The following LRRC37A2 variants were observed in gnomAD, a reference collection of about 807,000 sequenced individuals.
The protein encoded by LRRC37A2 is leucine-rich repeat-containing protein 37A2.
In LRRC37A2, 9 loss-of-function variants were observed where a neutral mutation model predicts 68.8. The observed-to-expected ratio is 0.13, with a 90% CI of 0.08 to 0.23. The LOEUF is 0.23. Among genes scored for constraint, LRRC37A2 ranks in the 10% least tolerant of loss-of-function variants. LRRC37A2 has a pLI of 1.00. For missense variants in LRRC37A2, 168 were observed against 950.4 expected (o/e 0.18, Z 10.82); for synonymous variants, 63 against 367.6 (o/e 0.17, Z 9.48).
chr17:46,967,280 CA>C, the LRRC37A2 span, among the ~76,000 whole-genome samples: 1 of 152,244 alleles, frequency 6.6e-6, no homozygotes, highest in Non-Finnish European at 1.5e-5. Context: ...TGCACAACCT[CA>C]AACAAGTCTC....
At chr17:46,787,632 C>A in the LRRC37A2 span, among the ~76,000 whole-genome samples, 1 of 152,154 alleles carries the variant, frequency 6.6e-6, no homozygotes, top group African/African-American at 2.4e-5. Flanking sequence ...TCATTCAGTA[C>A]CTGCATACTA....
the LRRC37A2 span, among the ~76,000 whole-genome samples, chr17:46,848,360 C>T: frequency 6.6e-6 from 1 of 152,224 alleles, no homozygotes; most frequent in Admixed American, 6.5e-5. Flanking sequence ...CTGAAAACAA[C>T]ACTTGTTTCC....
chr17:46,707,838 C>A, the LRRC37A2 span, among the ~76,000 whole-genome samples: 1 of 151,906 alleles, frequency 6.6e-6, no homozygotes, highest in African/African-American at 2.4e-5. Flanking sequence ...TCAAAACTAG[C>A]CTGGCCAACA....
chr17:46,497,269 A>T, the LRRC37A2 span, among the ~76,000 whole-genome samples: 2 of 143,916 alleles, frequency 1.4e-5, no homozygotes, highest in Non-Finnish European at 3.0e-5. Context: ...TCTTTTAATT[A>T]ATGTGTTTTG....
the LRRC37A2 span, among the ~76,000 whole-genome samples, chr17:46,965,334 C>T: frequency 6.6e-6 from 1 of 152,224 alleles, no homozygotes; most frequent in Non-Finnish European, 1.5e-5. Context: ...ATGACAAAGC[C>T]TGAGTGTTGC....
the LRRC37A2 span, among the ~76,000 whole-genome samples, chr17:46,753,051 G>C: frequency 6.6e-6 from 1 of 152,250 alleles, no homozygotes; most frequent in Admixed American, 6.5e-5. Context: ...TTACAGGTGT[G>C]AGCCACTGCG....
the LRRC37A2 span, among the ~76,000 whole-genome samples, chr17:46,896,106 G>A: frequency 3.4e-4 from 51 of 151,856 alleles, no homozygotes; most frequent in African/African-American, 9.9e-4. Flanking sequence ...GTGAAACCCC[G>A]TCTCTACTAA....
chr17:47,026,093 C>T, the LRRC37A2 span, among the ~76,000 whole-genome samples: 7 of 150,010 alleles, frequency 4.7e-5, no homozygotes, highest in East Asian at 2.0e-4. Flanking sequence ...AATTGTTTCT[C>T]GAACATAGAA....
the LRRC37A2 span, among the ~76,000 whole-genome samples, chr17:46,750,119 G>A: frequency 0.059 from 8,929 of 152,248 alleles, 1,410 homozygotes; most frequent in East Asian, 0.6. Context: ...TTGGGAGGAC[G>A]GGGCAGGTGG....
At chr17:46,959,701 C>T in the LRRC37A2 span, among the ~76,000 whole-genome samples, 1 of 152,294 alleles carries the variant, frequency 6.6e-6, no homozygotes, top group Middle Eastern at 3.4e-3. Flanking sequence ...TAGGACATTT[C>T]TTGAGCATTT....
the LRRC37A2 span, among the ~76,000 whole-genome samples, chr17:46,849,648 T>G: frequency 9.9e-5 from 15 of 152,172 alleles, no homozygotes; most frequent in African/African-American, 3.6e-4. Flanking sequence ...CTAACTCCAG[T>G]GATCAGAAAC....
the LRRC37A2 span, among the ~76,000 whole-genome samples, chr17:46,805,195 C>T: frequency 2.6e-5 from 4 of 151,968 alleles, no homozygotes; most frequent in African/African-American, 9.7e-5. Flanking sequence ...CCTGGAATCC[C>T]AGCACTTTGA....
At chr17:46,722,177 C>T in the LRRC37A2 span, 8 of 1,610,648 alleles carry the variant, frequency 5.0e-6, no homozygotes, top group African/African-American at 6.7e-5. Context: ...TGGCTTTCTC[C>T]TGGGAGAACT....
the LRRC37A2 span, among the ~76,000 whole-genome samples, chr17:46,776,838 G>A: frequency 6.6e-6 from 1 of 152,052 alleles, no homozygotes; most frequent in African/African-American, 2.4e-5. Flanking sequence ...GAGCTGAGGC[G>A]GGAGTGAGAG....
chr17:47,038,431 C>T, the LRRC37A2 span, among the ~76,000 whole-genome samples: 1 of 151,916 alleles, frequency 6.6e-6, no homozygotes, highest in African/African-American at 2.4e-5. Flanking sequence ...GCCTGGGCAA[C>T]ATAGTGAGAC....
chr17:46,489,340 G>A, the LRRC37A2 span, among the ~76,000 whole-genome samples: 2 of 100,562 alleles, frequency 2.0e-5, no homozygotes, highest in Non-Finnish European at 4.4e-5. Context: ...GTTTCACCAT[G>A]TTGGCTAGGC....
the LRRC37A2 span, among the ~76,000 whole-genome samples, chr17:46,819,666 C>T: frequency 6.6e-6 from 1 of 152,204 alleles, no homozygotes; most frequent in South Asian, 2.1e-4. This position sits in a 1 kb window ranked among gnomAD's most constrained non-coding sequence, Gnocchi z 5.3. Flanking sequence ...CCCGGTTCTA[C>T]TGATAGGGAG....
chr17:46,635,838 T>A, the LRRC37A2 span, among the ~76,000 whole-genome samples: 1 of 133,828 alleles, frequency 7.5e-6, no homozygotes, highest in Non-Finnish European at 1.7e-5. Flanking sequence ...TGAAGCCTTA[T>A]TGAAGAGTAG....
chr17:46,958,447 G>A, the LRRC37A2 span, among the ~76,000 whole-genome samples: 11 of 152,194 alleles, frequency 7.2e-5, no homozygotes, highest in African/African-American at 9.6e-5. Flanking sequence ...TTTTATTCTC[G>A]AACTGAAGGA....
Sources: gnomAD v4.1 joint callset for allele counts (sites outside exome capture counted in the v4.1 genomes callset) on GRCh38, gnomAD v4.1.1 for gene constraint, Gnocchi (gnomAD v3.1) non-coding constraint, MANE v1.5 for transcripts, NCBI Gene and HGNC (gene_info 2026-07-23, HGNC 2026-07-21) for gene names.